The following CACNG2 variants were observed in gnomAD, a reference collection of about 807,000 sequenced individuals.
The protein encoded by CACNG2 is calcium voltage-gated channel auxiliary subunit gamma 2.
CACNG2 carries 3 observed loss-of-function variants against 25.9 expected under a neutral mutation model. The observed-to-expected ratio is 0.12, with a 90% CI of 0.05 to 0.30. CACNG2 has a LOEUF of 0.30. Ranked by LOEUF, CACNG2 falls within the 10% of genes least tolerant of loss-of-function variation. The probability of loss-of-function intolerance (pLI) is 1.00; values close to 1 mark genes in which losing one functional copy is unlikely to be tolerated. For missense variants in CACNG2, 341 were observed against 432.5 expected, an observed-to-expected ratio of 0.79 and a Z score of 1.88; for synonymous variants, 167 against 173.3, an observed-to-expected ratio of 0.96 and a Z score of 0.29.
intron 1 of CACNG2, among the ~76,000 whole-genome samples, chr22:36,688,080 A>C (rs938224943): frequency 6.6e-6 from 1 of 152,194 alleles, no homozygotes; most frequent in Admixed American, 6.5e-5. Context: ...GGGTAAAATG[A>C]GAATCCTAAC....
intron 1 of CACNG2, among the ~76,000 whole-genome samples, chr22:36,691,595 G>A (rs1937268863): frequency 6.6e-6 from 1 of 152,198 alleles, no homozygotes; most frequent in Admixed American, 6.5e-5. Flanking sequence ...TGTCATAGAA[G>A]GCTGTACACA....
At chr22:36,593,620 G>A (rs2145926475) in intron 1 of CACNG2, among the ~76,000 whole-genome samples, 1 of 152,266 alleles carries the variant, frequency 6.6e-6, no homozygotes, top group Admixed American at 6.5e-5. Flanking sequence ...AATTCTAGAA[G>A]GTGCCATGGC....
intron 1 of CACNG2, among the ~76,000 whole-genome samples, chr22:36,626,659 C>T (rs771381065): frequency 2.0e-5 from 3 of 152,102 alleles, no homozygotes; most frequent in Admixed American, 6.5e-5. Flanking sequence ...TTTAAAGAGT[C>T]GAGTCATATT....
chr22:36,606,986 T>TTGTATGTGTGTGGTGTGTG lies in CACNG2; in HGVS notation c.212-19457_212-19439dup, dbSNP rs1310987029. Among the ~76,000 whole-genome samples the TTGTATGTGTGTGGTGTGTG allele has an allele frequency of 1.3e-5, 2 of 151,190 alleles. No individual in the cohort carries two copies. Among genetic ancestry groups the TTGTATGTGTGTGGTGTGTG allele is most frequent in the Admixed American group, 6.6e-5 (1 of 15,170 alleles). ...ATGTGTATGTCTGTGTGTGGTGTGT[T>TTGTATGTGTGTGGTGTGTG]TGTATGTGTGTGGTGTGTGTGTATG... On this transcript the variant is annotated intron_variant, in intron 1 of 3. Coordinates refer to ENST00000300105, the MANE Select transcript of CACNG2 (RefSeq NM_006078.5). This position sits in a 1 kb window ranked among gnomAD's most constrained non-coding sequence, Gnocchi z 5.7.
intron 1 of CACNG2, among the ~76,000 whole-genome samples, chr22:36,633,228 TC>T (rs1936303124): frequency 6.6e-6 from 1 of 152,190 alleles, no homozygotes; most frequent in Non-Finnish European, 1.5e-5. Flanking sequence ...ATCCACTCTT[TC>T]CCCCATCAGA....
At chr22:36,631,063 T>A (rs1936261846) in intron 1 of CACNG2, among the ~76,000 whole-genome samples, 1 of 152,140 alleles carries the variant, frequency 6.6e-6, no homozygotes, top group African/African-American at 2.4e-5. Flanking sequence ...ACTCCTGACC[T>A]CGTGATCCAC....
chr22:36,580,134 G>A (rs188968594), intron 2 of CACNG2, among the ~76,000 whole-genome samples: 44 of 152,296 alleles, frequency 2.9e-4, no homozygotes, highest in Non-Finnish European at 5.6e-4. Context: ...AGATGACAAT[G>A]AGCATCATCC....
chr22:36,577,653 A>G (rs1314904555), intron 2 of CACNG2, among the ~76,000 whole-genome samples: 1 of 79,696 alleles, frequency 1.3e-5, no homozygotes, highest in Non-Finnish European at 2.9e-5. Context: ...CGTCTTGGAA[A>G]AAAAAAAAAA....
intron 2 of CACNG2, among the ~76,000 whole-genome samples, chr22:36,585,703 G>A (rs1935491345): frequency 6.6e-6 from 1 of 152,176 alleles, no homozygotes; most frequent in Admixed American, 6.5e-5. Context: ...CCTGCTACAG[G>A]TGTTCAAAAA....
chr22:36,583,013 A>G (rs1935444702), intron 2 of CACNG2, among the ~76,000 whole-genome samples: 1 of 152,040 alleles, frequency 6.6e-6, no homozygotes, highest in African/African-American at 2.4e-5. Flanking sequence ...AAGGGGCCCA[A>G]GCGTTGTGCG....
In CACNG2 at chr22:36,644,704, A is replaced by T. The variant is rs144926021; in HGVS notation, c.212-57156T>A. 1.3e-3 allele frequency among the ~76,000 whole-genome samples: 202 copies of T among 152,334 alleles called. 1 individual carries two copies. Among genetic ancestry groups the T allele is most frequent in the African/African-American group, 4.7e-3 (195 of 41,586 alleles). ...GTAAAATGGAAATAATAATAATAAA[A>T]AATAATACTGACCCCAAAACAAGTT... is the stretch of plus-strand genomic sequence containing the variant. On this transcript the variant is annotated intron_variant, in intron 1 of 3. Coordinates refer to ENST00000300105, the MANE Select transcript of CACNG2 (RefSeq NM_006078.5).
At chr22:36,582,170 C>G (rs191818613) in intron 2 of CACNG2, among the ~76,000 whole-genome samples, 237 of 152,282 alleles carry the variant, frequency 1.6e-3, no homozygotes, top group Middle Eastern at 6.8e-3. Context: ...CGATTTCAGT[C>G]CCTTATGAAC....
intron 2 of CACNG2, among the ~76,000 whole-genome samples, chr22:36,582,585 T>G (rs1051542691): frequency 6.6e-6 from 1 of 150,988 alleles, no homozygotes; most frequent in Non-Finnish European, 1.5e-5. Context: ...TTTTTGGTAT[T>G]TTTAGTAGAG....
At chr22:36,641,609 C>T (rs1450760619) in intron 1 of CACNG2, among the ~76,000 whole-genome samples, 2 of 152,202 alleles carry the variant, frequency 1.3e-5, no homozygotes, top group Non-Finnish European at 2.9e-5. Flanking sequence ...ACTTCACTTG[C>T]TAAGAAATTT....
At chr22:36,636,001 G>A (rs1394775057) in intron 1 of CACNG2, among the ~76,000 whole-genome samples, 2 of 152,188 alleles carry the variant, frequency 1.3e-5, no homozygotes, top group South Asian at 2.1e-4. Flanking sequence ...GTATAGCTTC[G>A]CAACTGGGCT....
chr22:36,617,482 T>G (rs901369870), intron 1 of CACNG2, among the ~76,000 whole-genome samples: 2 of 151,966 alleles, frequency 1.3e-5, no homozygotes, highest in Non-Finnish European at 2.9e-5. Context: ...AAACCTTGGC[T>G]TTGTCACTTA....
In CACNG2 at chr22:36,650,273, G is replaced by A. The variant is rs9619628; in HGVS notation, c.211+52093C>T. ...CACAGTGGCCTATAAGGCCCCATGT[G>A]ACATGCCTCCCTTCACCCTGATACC... On this transcript the variant is annotated intron_variant, in intron 1 of 3. Coordinates refer to ENST00000300105, the MANE Select transcript of CACNG2 (RefSeq NM_006078.5). Among the ~76,000 whole-genome samples the A allele has an allele frequency of 3.4e-3, 516 of 152,162 alleles. 8 individuals carry two copies. The highest frequency in any genetic ancestry group is 0.012 in the African/African-American group (497 of 41,512).
At chr22:36,661,896 T>G (rs777045623) in intron 1 of CACNG2, among the ~76,000 whole-genome samples, 4 of 151,722 alleles carry the variant, frequency 2.6e-5, no homozygotes, top group Admixed American at 6.6e-5. Context: ...GCTAGCAATA[T>G]TCTCTTGAAG....
At chr22:36,624,266 C>T (rs945192446) in intron 1 of CACNG2, among the ~76,000 whole-genome samples, 2 of 152,210 alleles carry the variant, frequency 1.3e-5, no homozygotes, top group African/African-American at 2.4e-5. Flanking sequence ...CTTCTCTCAC[C>T]TTCCCAGCCT....
Sources: gnomAD v4.1 joint callset for allele counts (sites outside exome capture counted in the v4.1 genomes callset) on GRCh38, gnomAD v4.1.1 for gene constraint, Gnocchi (gnomAD v3.1) non-coding constraint, MANE v1.5 for transcripts, NCBI Gene and HGNC (gene_info 2026-07-23, HGNC 2026-07-21) for gene names.